NCF2: variants seen among roughly 807,000 people sequenced by gnomAD.
NCF2 encodes the protein neutrophil cytosol factor 2.
Under a neutral mutation model 70.9 loss-of-function variants are expected in NCF2, and 45 were observed. The observed-to-expected ratio is 0.63, with a 90% CI of 0.50 to 0.81. NCF2 has a LOEUF of 0.81. Ranked by LOEUF, NCF2 falls within the 40% of genes least tolerant of loss-of-function variation. NCF2 has a pLI of 0.00. For missense variants in NCF2, 522 were observed against 631.6 expected, an observed-to-expected ratio of 0.83 and a Z score of 1.86; for synonymous variants, 203 against 233.6, an observed-to-expected ratio of 0.87 and a Z score of 1.19.
chr1:183,601,535 G>A, the NCF2 span, among the ~76,000 whole-genome samples: 1 of 151,996 alleles, frequency 6.6e-6, no homozygotes, highest in African/African-American at 2.4e-5. Context: ...TTCATTATTA[G>A]CATTTTTTAT....
chr1:183,582,753 A>G (rs573324544), intron 2 of NCF2, among the ~76,000 whole-genome samples: 88 of 152,240 alleles, frequency 5.8e-4, no homozygotes, highest in Admixed American at 1.4e-3. Flanking sequence ...AATGGGTCTC[A>G]CCCTTATTGT....
Position 183,577,607 on chromosome 1 carries a change from C to A in NCF2, c.358G>T (p.Ala120Ser). Residue 120 changes from alanine (A) to serine (S), a missense_variant, in exon 3 of 15, where the codon GCC becomes TCC. Transcript: ENST00000367535. ...GGCCCTGTTCTCCTTACCTCACAGG[C>A]AAACAGCTTGAACTGGAGCCCCAGG... is the stretch of plus-strand genomic sequence containing the variant. ...KILGLQFKLF[A>S]CEVLYNIAFM... 1.9e-6 allele frequency: 3 copies of A among 1,611,374 alleles called. No individual in the cohort carries two copies. Among genetic ancestry groups the A allele is most frequent in the Non-Finnish European group, 1.7e-6 (2 of 1,177,476 alleles).
At chr1:183,593,359 T>C (rs1289564003), upstream of NCF2, among the ~76,000 whole-genome samples, 1 of 150,670 alleles carries the variant, frequency 6.6e-6, no homozygotes, top group Admixed American at 6.5e-5. Context: ...ACAAGTCAGA[T>C]CACTTCATGG....
intron 7 of NCF2, among the ~76,000 whole-genome samples, chr1:183,568,039 C>T (rs1024284411): frequency 1.1e-4 from 16 of 152,144 alleles, no homozygotes; most frequent in African/African-American, 2.9e-4. Flanking sequence ...ACTTTCCCCT[C>T]GGCCCATCCT....
At position 183,559,977 on chromosome 1, in the gene NCF2, G is replaced by A. The variant is rs55685212; in HGVS notation, c.1468+119C>T. 6.6e-4 allele frequency: 726 copies of A among 1,093,578 alleles called. 9 individuals carry two copies. The East Asian group carries it at 0.013, about 20-fold the overall frequency. The allele number at this position is 1,093,578 out of a possible 1,614,324, so 67.7% of individuals were successfully genotyped here. A position where few individuals can be genotyped will look rare whatever the true frequency, so the allele number is the denominator to read the frequency against. ...TCCCTCCAGCTAGATGCTAGGAAGG[G>A]GGTTGAAAACACTGGCTAAAGTTTT... On this transcript the variant is annotated intron_variant, in intron 14 of 14. Coordinates refer to ENST00000367535, the MANE Select transcript of NCF2 (RefSeq NM_000433.4).
rs11588654 is a variant in NCF2, at chr1:183,587,260, T to C, written c.175-283A>G. ...AGCCATACATATACCATCTGATTTC[T>C]GCTTTTGTTAGTCATATATGGCCTA... On this transcript the variant is annotated intron_variant, in intron 1 of 14. Transcript: ENST00000367535. 0.24 allele frequency among the ~76,000 whole-genome samples: 37,228 copies of C among 152,122 alleles called. 5,433 individuals carry two copies. The highest frequency in any genetic ancestry group is 0.36 in the Middle Eastern group (106 of 294).
At chr1:183,589,565 GC>G (rs1673542818) in intron 1 of NCF2, among the ~76,000 whole-genome samples, 1 of 152,176 alleles carries the variant, frequency 6.6e-6, no homozygotes, top group Non-Finnish European at 1.5e-5. Flanking sequence ...CGAAAAAGAT[GC>G]GAGACATCCC....
At chr1:183,567,094 CAAAAGAACT>C in intron 8 of NCF2, 101 bp downstream of exon 8, 3 of 1,607,354 alleles carry the variant, frequency 1.9e-6, no homozygotes, top group Non-Finnish European at 2.6e-6. Flanking sequence ...GACGAACAGA[CAAAAGAACT>C]TGGCTGGTCT....
At chr1:183,593,694 G>A (rs2102945619), upstream of NCF2, among the ~76,000 whole-genome samples, 1 of 152,298 alleles carries the variant, frequency 6.6e-6, no homozygotes, top group Admixed American at 6.5e-5. Context: ...GTTACAGTTT[G>A]TAACTGTATG....
At chr1:183,575,710 G>A (rs958814997) in intron 3 of NCF2, among the ~76,000 whole-genome samples, 3 of 152,180 alleles carry the variant, frequency 2.0e-5, no homozygotes, top group Admixed American at 6.5e-5. Context: ...TCTCAGAGAC[G>A]CCAGCTGCCA....
intron 2 of NCF2, among the ~76,000 whole-genome samples, chr1:183,580,097 T>C (rs1672990526): frequency 6.6e-6 from 1 of 152,188 alleles, no homozygotes; most frequent in East Asian, 1.9e-4. Flanking sequence ...CCAGTGTGGC[T>C]GGGGGAGAAG....
At chr1:183,567,467 A>G in intron 7 of NCF2, 122 bp from the exon 8 acceptor site, 1 of 1,379,344 alleles carries the variant, frequency 7.2e-7, no homozygotes, top group Non-Finnish European at 1.0e-6. Context: ...TCTAACTGCA[A>G]CTGCCGAGAT....
the NCF2 span, among the ~76,000 whole-genome samples, chr1:183,601,659 C>G: frequency 6.6e-6 from 1 of 152,024 alleles, no homozygotes; most frequent in Admixed American, 6.6e-5. Flanking sequence ...AGATCAAGAC[C>G]ATCCTGCCTA....
chr1:183,597,646 A>G, the NCF2 span: 1 of 152,158 alleles, frequency 6.6e-6, no homozygotes, highest in Non-Finnish European at 1.5e-5. Context: ...CCCAGTGTCT[A>G]TTGTTCCCAT....
Position 183,555,942 on chromosome 1 carries a change from A to G in NCF2, c.*176T>C. 1.5e-6 allele frequency: 1 copy of G among 659,954 alleles called. No individual in the cohort carries two copies. Among genetic ancestry groups the G allele is most frequent in the East Asian group, 2.7e-5 (1 of 36,780 alleles). The allele number at this position is 659,954 out of a possible 1,614,324, so 40.9% of individuals were successfully genotyped here. ...CCCATCTCCTCACCCACTGTGCCCC[A>G]GGAAATCATCCTGGGTACTCACATC... On this transcript the variant is annotated 3_prime_UTR_variant, in exon 15 of 15. Coordinates refer to ENST00000367535, the MANE Select transcript of NCF2 (RefSeq NM_000433.4).
At chr1:183,577,275 C>T (rs1207588558) in intron 3 of NCF2, among the ~76,000 whole-genome samples, 1 of 152,236 alleles carries the variant, frequency 6.6e-6, no homozygotes, top group Non-Finnish European at 1.5e-5. Context: ...TCAAAACATG[C>T]AAATTATCAT....
At chr1:183,579,062 G>A (rs1327395636) in intron 2 of NCF2, among the ~76,000 whole-genome samples, 8 of 152,230 alleles carry the variant, frequency 5.3e-5, no homozygotes, top group African/African-American at 1.9e-4. Context: ...CTGACCCAGA[G>A]CTACCAACCC....
intron 1 of NCF2, among the ~76,000 whole-genome samples, 166 bp downstream of exon 1, chr1:183,589,990 C>T (rs1238853693): frequency 1.3e-5 from 2 of 152,148 alleles, no homozygotes; most frequent in Non-Finnish European, 2.9e-5. Context: ...AACTGGCTGC[C>T]TGGGGCCCCT....
chr1:183,575,605 AT>A (rs1252973258), intron 3 of NCF2, among the ~76,000 whole-genome samples: 1 of 152,210 alleles, frequency 6.6e-6, no homozygotes, highest in South Asian at 2.1e-4. Flanking sequence ...ACTGAAATAA[AT>A]TTTTTAAATA....
Sources: gnomAD v4.1 joint callset for allele counts (sites outside exome capture counted in the v4.1 genomes callset) on GRCh38, gnomAD v4.1.1 for gene constraint, MANE v1.5 for transcripts, NCBI Gene and HGNC (gene_info 2026-07-23, HGNC 2026-07-21) for gene names.